GALNTL6: variants seen among roughly 807,000 people sequenced by gnomAD.
GALNTL6 encodes the protein polypeptide N-acetylgalactosaminyltransferase-like 6.
A neutral mutation model predicts 73.7 loss-of-function variants in GALNTL6; 46 were observed. The observed-to-expected ratio is 0.62, with a 90% CI of 0.49 to 0.80. GALNTL6 has a LOEUF of 0.80. GALNTL6 is among the 30% of genes least tolerant of loss of function. GALNTL6 has a pLI of 0.00. For synonymous variants in GALNTL6, 259 were observed against 263.7 expected, an observed-to-expected ratio of 0.98 and a Z score of 0.17; for missense variants, 604 against 755.0, an observed-to-expected ratio of 0.80 and a Z score of 2.34.
At chr4:172,883,793 C>A (rs1745578518) in intron 8 of GALNTL6, among the ~76,000 whole-genome samples, 1 of 151,652 alleles carries the variant, frequency 6.6e-6, no homozygotes, top group Non-Finnish European at 1.5e-5. Flanking sequence ...CCCACCCCCA[C>A]TCCCTTCTAT....
chr4:171,893,124 T>C (rs1328513252), intron 2 of GALNTL6, among the ~76,000 whole-genome samples: 1 of 152,208 alleles, frequency 6.6e-6, no homozygotes, highest in Non-Finnish European at 1.5e-5. Context: ...AGGTCTTTCC[T>C]CCCAAACAGA....
intron 5 of GALNTL6, among the ~76,000 whole-genome samples, chr4:172,430,188 G>A (rs978586221): frequency 9.2e-5 from 14 of 152,004 alleles, no homozygotes; most frequent in African/African-American, 3.1e-4. Flanking sequence ...GAACTTGACA[G>A]TGAGAAAGGA....
Position 172,377,435 on chromosome 4 carries a change from T to C in GALNTL6, c.553+28746T>C, listed in dbSNP as rs949030420. Among the ~76,000 whole-genome samples the C allele has an allele frequency of 9.6e-4, 146 of 152,324 alleles. 1 individual carries two copies. The highest frequency in any genetic ancestry group is 3.3e-3 in the African/African-American group (137 of 41,598). ...ATCCTTTAGCTAGACATAAAAGTTC[T>C]CCAAGTCCCCACCTGACTCAGGAGC... is the stretch of plus-strand genomic sequence containing the variant. On this transcript the variant is annotated intron_variant, in intron 5 of 12. Transcript: ENST00000506823.
Position 171,852,311 on chromosome 4 carries a change from G to T in GALNTL6, c.138+37593G>T, listed in dbSNP as rs923229755. 2.6e-5 allele frequency among the ~76,000 whole-genome samples: 4 copies of T among 152,124 alleles called. No homozygotes were observed. In the South Asian group the frequency reaches 6.2e-4, roughly 24 times the overall value. ...TCAAAGCAGCTGATGCCCTTCTTTT[G>T]CATATAAGTGGCAACTATTCTGAAG... On this transcript the variant is annotated intron_variant, in intron 2 of 12. Transcript: ENST00000506823.
chr4:171,975,077 G>A (rs746485669), intron 2 of GALNTL6, among the ~76,000 whole-genome samples: 6 of 152,088 alleles, frequency 3.9e-5, no homozygotes, highest in African/African-American at 7.2e-5. Context: ...ATCAATCACC[G>A]TTTCTACCTG....
At chr4:173,031,787 C>T (rs555708538) in intron 12 of GALNTL6, among the ~76,000 whole-genome samples, 4 of 152,210 alleles carry the variant, frequency 2.6e-5, no homozygotes, top group South Asian at 2.1e-4. Flanking sequence ...GCAAAACTTA[C>T]GGGCTTATTC....
intron 5 of GALNTL6, among the ~76,000 whole-genome samples, chr4:172,723,047 G>A (rs751383762): frequency 5.9e-5 from 9 of 152,052 alleles, no homozygotes; most frequent in Non-Finnish European, 1.2e-4. Flanking sequence ...AACATCAAGA[G>A]GGTGCCCACG....
intron 5 of GALNTL6, among the ~76,000 whole-genome samples, chr4:172,575,467 C>G (rs565624188): frequency 1.1e-3 from 163 of 152,228 alleles, no homozygotes; most frequent in African/African-American, 3.8e-3. Flanking sequence ...GAAGGGAACC[C>G]AGGTCAGAAA....
In GALNTL6 at chr4:172,259,234, G is replaced by A. The variant is rs150755741; in HGVS notation, c.247+29470G>A. 1.2e-3 allele frequency among the ~76,000 whole-genome samples: 189 copies of A among 151,458 alleles called. 1 individual carries two copies. Among genetic ancestry groups the A allele is most frequent in the African/African-American group, 4.2e-3 (172 of 41,434 alleles). On this transcript the variant is annotated intron_variant, in intron 3 of 12. Coordinates refer to ENST00000506823, the MANE Select transcript of GALNTL6 (RefSeq NM_001034845.3). ...TTATATTCCCACCAACAGTGTAAAA[G>A]TGTTCTCTTTTCACCACATCCATGC...
At chr4:172,539,901 ATATAT>A (rs1561128688) in intron 5 of GALNTL6, among the ~76,000 whole-genome samples, 18 of 138,616 alleles carry the variant, frequency 1.3e-4, no homozygotes, top group South Asian at 4.4e-4. Flanking sequence ...ATATATATAT[ATATAT>A]AAAAAATCTC....
chr4:171,987,794 G>A (rs1049802646), intron 2 of GALNTL6, among the ~76,000 whole-genome samples: 10 of 152,120 alleles, frequency 6.6e-5, no homozygotes, highest in African/African-American at 1.7e-4. Flanking sequence ...TAAATCAAGC[G>A]TGATCAGGGT....
chr4:173,016,643 G>A (rs924030311), intron 11 of GALNTL6, among the ~76,000 whole-genome samples: 9 of 152,294 alleles, frequency 5.9e-5, no homozygotes, highest in Admixed American at 5.9e-4. Flanking sequence ...TTGTATCTAG[G>A]AATAACCAAC....
In GALNTL6 at chr4:172,543,673, G is replaced by A. The variant is rs112657429; in HGVS notation, c.553+194984G>A. Among the ~76,000 whole-genome samples, 1,109 of 152,284 alleles carry A rather than the reference G, an allele frequency of 7.3e-3. 16 individuals are homozygous for A. The highest frequency in any genetic ancestry group is 0.025 in the African/African-American group (1,037 of 41,552). On this transcript the variant is annotated intron_variant, in intron 5 of 12. Transcript: ENST00000506823. ...CAGGGTAAGATGAGGGTAGTTTCAA[G>A]GGAGTCTCTTTTCTTCAACAGGGAG... is the stretch of plus-strand genomic sequence containing the variant.
At chr4:172,905,541 C>T (rs1329826997) in intron 8 of GALNTL6, among the ~76,000 whole-genome samples, 1 of 152,082 alleles carries the variant, frequency 6.6e-6, no homozygotes, top group African/African-American at 2.4e-5. Context: ...GCTATCACTA[C>T]AGAATTATTA....
Position 172,016,036 on chromosome 4 carries a change from T to G in GALNTL6, c.138+201318T>G, listed in dbSNP as rs534494471. On this transcript the variant is annotated intron_variant, in intron 2 of 12. Coordinates refer to ENST00000506823, the MANE Select transcript of GALNTL6 (RefSeq NM_001034845.3). ...GACTTTTGATAACCTGATTTCTAAG[T>G]GCCTAGGTGATAATCTTTTTGCCAT... 4.8e-5 allele frequency among the ~76,000 whole-genome samples: 7 copies of G among 146,786 alleles called. No homozygotes were observed. In the South Asian group the frequency reaches 1.6e-3, roughly 33 times the overall value.
chr4:173,006,801 T>A (rs1254909552), intron 10 of GALNTL6, among the ~76,000 whole-genome samples: 2 of 152,190 alleles, frequency 1.3e-5, no homozygotes, highest in Non-Finnish European at 1.5e-5. Flanking sequence ...GAAAACCAAC[T>A]TGAAAGTGCT....
At chr4:172,373,823 G>T (rs888158348) in intron 5 of GALNTL6, among the ~76,000 whole-genome samples, 1 of 152,222 alleles carries the variant, frequency 6.6e-6, no homozygotes, top group Non-Finnish European at 1.5e-5. Context: ...CCTGGTTACA[G>T]GCTGTCCCAG....
Position 171,973,519 on chromosome 4 carries a change from G to C in GALNTL6, c.138+158801G>C, listed in dbSNP as rs1739630829. Reference sequence around the variant, plus strand: ...TCACATGGATACTGTCTCTGTGTCTGTCTGTGTCCAAATTTTTCTCTTATA... The same window carrying C: ...TCACATGGATACTGTCTCTGTGTCTCTCTGTGTCCAAATTTTTCTCTTATA... On this transcript the variant is annotated intron_variant, in intron 2 of 12. Transcript: ENST00000506823. Among the ~76,000 whole-genome samples, 3 of 152,186 alleles carry C rather than the reference G, an allele frequency of 2.0e-5. No individual in the cohort carries two copies. The South Asian group carries it at 6.2e-4, about 32-fold the overall frequency.
chr4:172,936,388 C>T (rs974457692), intron 9 of GALNTL6, among the ~76,000 whole-genome samples: 8 of 152,148 alleles, frequency 5.3e-5, no homozygotes, highest in African/African-American at 1.9e-4. Flanking sequence ...GATACCCTCT[C>T]TCACCACTCC....
Sources: allele counts gnomAD v4.1 joint callset (sites outside exome capture counted in the v4.1 genomes callset), GRCh38; gene constraint gnomAD v4.1.1; transcripts MANE v1.5; gene names NCBI Gene and HGNC (gene_info 2026-07-23, HGNC 2026-07-21).